Variants in SHISA9 observed in about 807,000 individuals in gnomAD.
The protein encoded by SHISA9 is protein shisa-9.
In SHISA9, 13 loss-of-function variants were observed where a neutral mutation model predicts 38.0. The ratio of observed to expected loss-of-function variants is 0.34; its 90% CI spans 0.22 to 0.54. SHISA9 has a LOEUF of 0.54. Among genes scored for constraint, SHISA9 ranks in the 20% least tolerant of loss-of-function variants. The pLI is 0.91. For missense variants in SHISA9, 538 were observed against 575.8 expected, an observed-to-expected ratio of 0.93 and a Z score of 0.67; for synonymous variants, 275 against 242.0, an observed-to-expected ratio of 1.14 and a Z score of -1.27.
At chr16:13,438,870 TG>T in the SHISA9 span, among the ~76,000 whole-genome samples, 1 of 152,100 alleles carries the variant, frequency 6.6e-6, no homozygotes, top group African/African-American at 2.4e-5. Context: ...CTTTGCAAAA[TG>T]AGGTCCGCTC....
intron 2 of SHISA9, among the ~76,000 whole-genome samples, chr16:13,051,767 T>C (rs1184895454): frequency 6.7e-6 from 1 of 148,860 alleles, no homozygotes; most frequent in Non-Finnish European, 1.5e-5. Context: ...TTATAAAATT[T>C]ACATTTTTTT....
At chr16:13,118,168 C>T (rs1255486255) in intron 2 of SHISA9, among the ~76,000 whole-genome samples, 4 of 139,932 alleles carry the variant, frequency 2.9e-5, no homozygotes, top group Admixed American at 7.7e-5. Context: ...GGCGACAGAG[C>T]GAGACTTCGT....
At chr16:13,508,622 A>G in the SHISA9 span, among the ~76,000 whole-genome samples, 1 of 152,196 alleles carries the variant, frequency 6.6e-6, no homozygotes, top group Non-Finnish European at 1.5e-5. Context: ...CAGCATATAA[A>G]TTAATGGGAA....
intron 2 of SHISA9, among the ~76,000 whole-genome samples, chr16:13,144,769 C>A (rs2050432617): frequency 6.6e-6 from 1 of 152,096 alleles, no homozygotes; most frequent in Admixed American, 6.5e-5. Flanking sequence ...GCGGAAGCCG[C>A]CACTAAGTGG....
At chr16:13,357,219 C>T in the SHISA9 span, among the ~76,000 whole-genome samples, 7 of 152,298 alleles carry the variant, frequency 4.6e-5, no homozygotes, top group South Asian at 2.1e-4. Context: ...CCTAGGAAAG[C>T]GGGACTTGCC....
the SHISA9 span, among the ~76,000 whole-genome samples, chr16:13,330,338 C>T: frequency 1.3e-5 from 2 of 152,126 alleles, no homozygotes; most frequent in African/African-American, 4.8e-5. Context: ...TTTCATGTAT[C>T]TATTTGTATA....
intron 2 of SHISA9, among the ~76,000 whole-genome samples, chr16:12,983,846 G>C (rs1254768311): frequency 6.6e-6 from 1 of 152,242 alleles, no homozygotes; most frequent in Non-Finnish European, 1.5e-5. Flanking sequence ...TTCTACTCCT[G>C]ATTCTCAGTT....
At chr16:13,217,938 G>C (rs1376990407) in intron 4 of SHISA9, among the ~76,000 whole-genome samples, 1 of 145,766 alleles carries the variant, frequency 6.9e-6, no homozygotes, top group East Asian at 2.3e-4. Context: ...GCTGAGGCAA[G>C]AGAATGGCTT....
chr16:12,949,441 C>T (rs1490593724), intron 2 of SHISA9, among the ~76,000 whole-genome samples: 1 of 152,184 alleles, frequency 6.6e-6, no homozygotes, highest in East Asian at 1.9e-4. Flanking sequence ...GGGTGAGGCA[C>T]CTCCTATTCA....
chr16:13,310,401 C>A, the SHISA9 span, among the ~76,000 whole-genome samples: 3 of 151,892 alleles, frequency 2.0e-5, no homozygotes, highest in African/African-American at 7.3e-5. Context: ...AGAAATAAAC[C>A]CCATGAATTC....
chr16:13,197,388 G>A (rs184025742), intron 2 of SHISA9, among the ~76,000 whole-genome samples: 1 of 152,206 alleles, frequency 6.6e-6, no homozygotes, highest in East Asian at 1.9e-4. Flanking sequence ...GAGACTTGGA[G>A]CATTCTCTCA....
At chr16:13,067,354 A>G (rs1352020350) in intron 2 of SHISA9, among the ~76,000 whole-genome samples, 3 of 152,228 alleles carry the variant, frequency 2.0e-5, no homozygotes, top group African/African-American at 7.2e-5. Context: ...GATGAACTCA[A>G]GTTCACATGT....
At chr16:13,412,741 C>T in the SHISA9 span, among the ~76,000 whole-genome samples, 1 of 151,610 alleles carries the variant, frequency 6.6e-6, no homozygotes, top group Admixed American at 6.6e-5. Context: ...CTGGTAGTTC[C>T]AGGTACTTGG....
chr16:13,071,806 AT>A (rs904003788), intron 2 of SHISA9, among the ~76,000 whole-genome samples: 104 of 145,388 alleles, frequency 7.2e-4, no homozygotes, highest in Middle Eastern at 3.6e-3. Flanking sequence ...CCCGGCTTTT[AT>A]TTTTTTTTTT....
chr16:13,301,934 G>A, the SHISA9 span, among the ~76,000 whole-genome samples: 9 of 152,206 alleles, frequency 5.9e-5, no homozygotes, highest in Admixed American at 3.3e-4. Context: ...TGTGGTACAT[G>A]CCTGGTGCAA....
the SHISA9 span, among the ~76,000 whole-genome samples, chr16:13,287,377 T>A: frequency 6.6e-6 from 1 of 152,124 alleles, no homozygotes; most frequent in Non-Finnish European, 1.5e-5. Context: ...GAAGTTTATA[T>A]CTGAGTGGCT....
At chr16:13,447,014 T>G in the SHISA9 span, among the ~76,000 whole-genome samples, 3 of 144,886 alleles carry the variant, frequency 2.1e-5, no homozygotes, top group Non-Finnish European at 3.0e-5. Context: ...AGGGACAGGG[T>G]AAAACTATGT....
chr16:12,992,603 G>C (rs915240547), intron 2 of SHISA9, among the ~76,000 whole-genome samples: 1 of 152,054 alleles, frequency 6.6e-6, no homozygotes, highest in Non-Finnish European at 1.5e-5. Flanking sequence ...CACAAGATAA[G>C]AGCCAGAATC....
chr16:13,023,488 A>G (rs1297688067), intron 2 of SHISA9, among the ~76,000 whole-genome samples: 1 of 152,196 alleles, frequency 6.6e-6, no homozygotes, highest in Non-Finnish European at 1.5e-5. Context: ...ATACATGTGC[A>G]TGTGTCTTTA....
Sources: gnomAD v4.1 joint callset for allele counts (sites outside exome capture counted in the v4.1 genomes callset) on GRCh38, gnomAD v4.1.1 for gene constraint, MANE v1.5 for transcripts, NCBI Gene and HGNC (gene_info 2026-07-23, HGNC 2026-07-21) for gene names.